Variants in PRKCZ observed in about 807,000 individuals in gnomAD.
PRKCZ encodes the protein protein kinase C zeta.
PRKCZ carries 33 observed loss-of-function variants against 79.5 expected under a neutral mutation model. That is an observed-to-expected ratio of 0.41 (90% confidence interval 0.31 to 0.55). The LOEUF (loss-of-function observed/expected upper bound fraction) is 0.55. PRKCZ is among the 20% of genes least tolerant of loss of function. The pLI is 0.19. For missense variants in PRKCZ, 578 were observed against 813.5 expected (o/e 0.71, Z 3.52); for synonymous variants, 342 against 320.9 (o/e 1.07, Z -0.70).
At chr1:2,179,409 T>G (rs11587831) in intron 16 of PRKCZ, among the ~76,000 whole-genome samples, 27,682 of 152,164 alleles carry the variant, frequency 0.18, 2,787 homozygotes, top group Middle Eastern at 0.29. Context: ...GGATCCCCGG[T>G]ACTTGGCACA....
In PRKCZ at chr1:2,082,648, T is replaced by C. The variant is rs1315254135; in HGVS notation, c.334+23057T>C. Among the ~76,000 whole-genome samples the C allele has an allele frequency of 2.6e-5, 4 of 151,748 alleles. No homozygotes were observed. The highest frequency in any genetic ancestry group is 9.7e-5 in the African/African-American group (4 of 41,264). ...GTGGAGGGGTTCAGTGAAGGTGGAG[T>C]TGGGCAAGGGCGTACACGGTCGGCT... On this transcript the variant is annotated intron_variant, in intron 4 of 17. Coordinates refer to ENST00000378567, the MANE Select transcript of PRKCZ (RefSeq NM_002744.6). This position sits in a 1 kb window ranked among gnomAD's most constrained non-coding sequence, Gnocchi z 4.4.
upstream of PRKCZ, chr1:2,049,089 C>T (rs1042535547): frequency 2.6e-5 from 4 of 152,208 alleles, no homozygotes; most frequent in African/African-American, 9.7e-5. Flanking sequence ...TGGTTTGAAC[C>T]CAGGAGGCAG....
Position 2,173,771 on chromosome 1 carries a change from G to A in PRKCZ, c.1286-126G>A. ...TGGGAAGTGGAAGTCACAGAGGCCT[G>A]TGTGCCGCCTGCTCAAGCCTGGCTC... On this transcript the variant is annotated intron_variant, in intron 13 of 17. Coordinates refer to ENST00000378567, the MANE Select transcript of PRKCZ (RefSeq NM_002744.6). The surrounding 1 kb of genome is among the most constrained non-coding windows in gnomAD (Gnocchi z 5.7). The A allele has an allele frequency of 7.2e-7, 1 of 1,381,058 alleles. No homozygotes were observed. Among genetic ancestry groups the A allele is most frequent in the Middle Eastern group, 2.7e-4 (1 of 3,760 alleles). 85.6% of individuals were successfully genotyped at this position (1,381,058 alleles called of 1,614,324 possible). A position where few individuals can be genotyped will look rare whatever the true frequency, so the allele number is the denominator to read the frequency against.
intron 16 of PRKCZ, among the ~76,000 whole-genome samples, chr1:2,182,989 G>C (rs1310956451): frequency 6.6e-6 from 1 of 152,192 alleles, no homozygotes; most frequent in Non-Finnish European, 1.5e-5. Context: ...ACTTTGGGAG[G>C]CCGAGGAGGG....
chr1:2,103,618 G>C (rs965731473), intron 4 of PRKCZ, among the ~76,000 whole-genome samples: 1 of 152,218 alleles, frequency 6.6e-6, no homozygotes, highest in African/African-American at 2.4e-5. Context: ...ACGGTGGCGC[G>C]TGTCTGTAGG....
intron 4 of PRKCZ, among the ~76,000 whole-genome samples, chr1:2,072,607 G>A (rs1041876530): frequency 3.9e-5 from 6 of 152,190 alleles, no homozygotes; most frequent in African/African-American, 1.4e-4. Context: ...CCCCTGGGGC[G>A]ACTGGGGGCC....
intron 1 of PRKCZ, 123 bp from the exon 2 acceptor site, chr1:2,055,317 TG>T: frequency 8.4e-7 from 1 of 1,192,900 alleles, no homozygotes. Flanking sequence ...GGGGTGGGGC[TG>T]TCATATTGTC....
intron 4 of PRKCZ, among the ~76,000 whole-genome samples, chr1:2,119,881 G>C (rs1671515880): frequency 6.6e-6 from 1 of 150,914 alleles, no homozygotes; most frequent in Non-Finnish European, 1.5e-5. Flanking sequence ...CCACCTCCCA[G>C]GTTCAAGCGA....
intron 16 of PRKCZ, among the ~76,000 whole-genome samples, chr1:2,179,699 T>A (rs1406009950): frequency 1.3e-5 from 2 of 152,218 alleles, no homozygotes; most frequent in Non-Finnish European, 2.9e-5. Context: ...GGGGAGATTC[T>A]GCCTCAGGGC....
At chr1:2,074,054 G>A (rs2102321487) in intron 4 of PRKCZ, 2 of 1,448,558 alleles carry the variant, frequency 1.4e-6, no homozygotes, top group East Asian at 2.5e-5. Flanking sequence ...TCCCGGCGTT[G>A]CCGCTGCCTG....
At chr1:2,162,320 C>T (rs548459345) in intron 10 of PRKCZ, among the ~76,000 whole-genome samples, 25 of 152,278 alleles carry the variant, frequency 1.6e-4, no homozygotes, top group South Asian at 8.3e-4. Flanking sequence ...TTAGTAGAGA[C>T]GGGGTTTCAC....
At chr1:2,092,700 G>A (rs1665729619) in intron 4 of PRKCZ, among the ~76,000 whole-genome samples, 1 of 152,204 alleles carries the variant, frequency 6.6e-6, no homozygotes, top group South Asian at 2.1e-4. Context: ...TACAAAGGGA[G>A]CTTTTAAATT....
intron 4 of PRKCZ, among the ~76,000 whole-genome samples, chr1:2,097,520 G>T (rs1299940280): frequency 2.0e-5 from 3 of 152,224 alleles, no homozygotes; most frequent in Non-Finnish European, 4.4e-5. Context: ...CCAGTGACTG[G>T]CGTAGGCTTT....
rs1557539335 is a variant in PRKCZ, at chr1:2,092,625, CGTT to C, written c.334+33037_334+33039del. ...GGTATAAATTCATTGAGCTTGAAGACGTTGTACGTGGAAGTGAACAGAACACAC... is the reference window on the plus strand; with the variant it reads ...GGTATAAATTCATTGAGCTTGAAGACGTACGTGGAAGTGAACAGAACACAC... On this transcript the variant is annotated intron_variant, in intron 4 of 17. Transcript: ENST00000378567. 5.3e-5 allele frequency among the ~76,000 whole-genome samples: 8 copies of C among 152,224 alleles called. No individual in the cohort carries two copies. In the South Asian group the frequency reaches 1.5e-3, roughly 28 times the overall value.
At chr1:2,121,796 G>A (rs1244581772) in intron 4 of PRKCZ, among the ~76,000 whole-genome samples, 1 of 59,390 alleles carries the variant, frequency 1.7e-5, no homozygotes, top group Non-Finnish European at 3.2e-5. Flanking sequence ...TTAGGGTCAC[G>A]GCGGTGGTTA....
chr1:2,131,897 C>T (rs914116092), intron 4 of PRKCZ, among the ~76,000 whole-genome samples: 2 of 152,222 alleles, frequency 1.3e-5, no homozygotes, highest in African/African-American at 4.8e-5. Flanking sequence ...CTGCAAGCTC[C>T]ACCTCCCGGG....
intron 7 of PRKCZ, 121 bp downstream of exon 7, chr1:2,146,229 A>G: frequency 1.0e-6 from 1 of 975,456 alleles, no homozygotes; most frequent in Non-Finnish European, 1.6e-6. Context: ...ATTGTCTTCA[A>G]GCCTGGCCAC....
chr1:2,067,963 G>A (rs1000799091), intron 4 of PRKCZ, among the ~76,000 whole-genome samples: 13 of 152,334 alleles, frequency 8.5e-5, no homozygotes, highest in East Asian at 3.9e-4. Flanking sequence ...GACCTGGGAC[G>A]GGGCCCTTCT....
At position 2,163,373 on chromosome 1, in the gene PRKCZ, C is replaced by T. The variant is rs79057148; in HGVS notation, c.975-6145C>T. Among the ~76,000 whole-genome samples, 573 of 152,326 alleles carry T rather than the reference C, an allele frequency of 3.8e-3. 1 individual carries two copies. Among genetic ancestry groups the T allele is most frequent in the Middle Eastern group, 0.017 (5 of 294 alleles). On this transcript the variant is annotated intron_variant, in intron 10 of 17. Coordinates refer to ENST00000378567, the MANE Select transcript of PRKCZ (RefSeq NM_002744.6). ...CTGCCTGAGCTGTTGGAGACGGGAACGGACCCTCCCAGTTCCTGGGCCCAT... is the reference window on the plus strand; with the variant it reads ...CTGCCTGAGCTGTTGGAGACGGGAATGGACCCTCCCAGTTCCTGGGCCCAT...
Sources: allele counts gnomAD v4.1 joint callset (sites outside exome capture counted in the v4.1 genomes callset), GRCh38; gene constraint gnomAD v4.1.1; non-coding constraint Gnocchi (gnomAD v3.1); transcripts MANE v1.5; gene names NCBI Gene and HGNC (gene_info 2026-07-23, HGNC 2026-07-21).